The following TMEM108 variants were observed in gnomAD, a reference collection of about 807,000 sequenced individuals.
TMEM108 encodes the protein cancer/testis antigen 124.
In TMEM108, 12 loss-of-function variants were observed where a neutral mutation model predicts 35.1. The ratio of observed to expected loss-of-function variants is 0.34; its 90% confidence interval spans 0.22 to 0.55. The LOEUF is 0.55. TMEM108 is among the 20% of genes least tolerant of loss of function. The probability of loss-of-function intolerance (pLI) is 0.89; values close to 1 mark genes in which losing one functional copy is unlikely to be tolerated. For synonymous variants in TMEM108, 287 were observed against 308.6 expected, an observed-to-expected ratio of 0.93 and a Z score of 0.73; for missense variants, 680 against 753.3, an observed-to-expected ratio of 0.90 and a Z score of 1.14.
intron 3 of TMEM108, among the ~76,000 whole-genome samples, chr3:133,316,469 G>A (rs778687073): frequency 6.6e-6 from 1 of 152,152 alleles, no homozygotes; most frequent in Non-Finnish European, 1.5e-5. Context: ...GTGGTCATTA[G>A]GTTTATCCCA....
intron 2 of TMEM108, among the ~76,000 whole-genome samples, chr3:133,167,646 C>G (rs1309702619): frequency 6.6e-6 from 1 of 152,250 alleles, no homozygotes; most frequent in Non-Finnish European, 1.5e-5. Context: ...TGCTAAGCCC[C>G]TCACTGCCCG....
chr3:133,125,560 G>A (rs1944404561), intron 2 of TMEM108, among the ~76,000 whole-genome samples: 1 of 152,142 alleles, frequency 6.6e-6, no homozygotes, highest in Non-Finnish European at 1.5e-5. Context: ...TGGGGGGTAG[G>A]TGGGGGTAGT....
intron 2 of TMEM108, among the ~76,000 whole-genome samples, chr3:133,051,871 A>G (rs1943410368): frequency 6.6e-6 from 1 of 152,088 alleles, no homozygotes; most frequent in African/African-American, 2.4e-5. Flanking sequence ...CTGTTATTTT[A>G]TCAATACCAT....
intron 3 of TMEM108, among the ~76,000 whole-genome samples, chr3:133,309,115 T>C (rs2071087297): frequency 6.6e-6 from 1 of 152,254 alleles, no homozygotes; most frequent in Admixed American, 6.5e-5. Context: ...CAGGAATTTA[T>C]CCATTTCTTC....
At chr3:133,328,618 T>C (rs879298900) in intron 3 of TMEM108, among the ~76,000 whole-genome samples, 8 of 152,164 alleles carry the variant, frequency 5.3e-5, no homozygotes, top group Non-Finnish European at 1.0e-4. Flanking sequence ...GAGAACAATG[T>C]TATCAGGCAT....
At chr3:133,098,858 T>C (rs1210084438) in intron 2 of TMEM108, among the ~76,000 whole-genome samples, 2 of 152,158 alleles carry the variant, frequency 1.3e-5, no homozygotes, top group African/African-American at 2.4e-5. Flanking sequence ...TCCTGGATGC[T>C]TTCACGGGCT....
intron 3 of TMEM108, among the ~76,000 whole-genome samples, chr3:133,278,394 T>TA (rs1363560880): frequency 2.0e-5 from 3 of 152,346 alleles, no homozygotes; most frequent in Admixed American, 6.5e-5. Context: ...TCAAGTGAGA[T>TA]AAAGTACAGT....
At chr3:133,361,424 G>A (rs767562695) in intron 3 of TMEM108, among the ~76,000 whole-genome samples, 5 of 152,194 alleles carry the variant, frequency 3.3e-5, no homozygotes, top group Non-Finnish European at 5.9e-5. Flanking sequence ...GTTATCATGT[G>A]GGTTTAATGA....
At chr3:133,325,432 G>T (rs1340247809) in intron 3 of TMEM108, among the ~76,000 whole-genome samples, 1 of 152,142 alleles carries the variant, frequency 6.6e-6, no homozygotes, top group Non-Finnish European at 1.5e-5. Context: ...ACTTTTCCAT[G>T]CAACCAAACA....
At chr3:133,170,788 G>A (rs568641584) in intron 2 of TMEM108, among the ~76,000 whole-genome samples, 1 of 152,190 alleles carries the variant, frequency 6.6e-6, no homozygotes, top group East Asian at 1.9e-4. Flanking sequence ...ATATTTCTAG[G>A]AATAGATGCC....
intron 3 of TMEM108, among the ~76,000 whole-genome samples, chr3:133,279,651 A>T (rs567142039): frequency 6.6e-6 from 1 of 152,342 alleles, no homozygotes; most frequent in Non-Finnish European, 1.5e-5. Context: ...CAGTGCCTGG[A>T]CATGGTAGAT....
At chr3:133,125,408 AATAAGTGG>A (rs1364990206) in intron 2 of TMEM108, among the ~76,000 whole-genome samples, 8 of 152,168 alleles carry the variant, frequency 5.3e-5, no homozygotes, top group African/African-American at 1.9e-4. Context: ...TCTGAGTGGA[AATAAGTGG>A]CTTTTAGCAA....
intron 2 of TMEM108, among the ~76,000 whole-genome samples, chr3:133,118,254 A>G (rs1410171575): frequency 6.6e-6 from 1 of 152,090 alleles, no homozygotes; most frequent in African/African-American, 2.4e-5. Context: ...TGTGGAAACT[A>G]CTCAATGGTA....
chr3:133,245,281 C>T (rs1946368969), intron 3 of TMEM108, among the ~76,000 whole-genome samples: 1 of 152,128 alleles, frequency 6.6e-6, no homozygotes, highest in Non-Finnish European at 1.5e-5. Flanking sequence ...GTGCAGTGTG[C>T]ATGCTAGGAT....
At chr3:133,234,064 T>G (rs1237989359) in intron 3 of TMEM108, among the ~76,000 whole-genome samples, 1 of 152,080 alleles carries the variant, frequency 6.6e-6, no homozygotes. Flanking sequence ...ATTTGTCAAT[T>G]TTGGCTTTTG....
intron 3 of TMEM108, among the ~76,000 whole-genome samples, chr3:133,277,295 C>A (rs183838209): frequency 6.6e-6 from 1 of 151,988 alleles, no homozygotes; most frequent in Non-Finnish European, 1.5e-5. Context: ...TAAAAGATTT[C>A]TTTATAGTTT....
chr3:133,160,012 C>T (rs1366817447), intron 2 of TMEM108, among the ~76,000 whole-genome samples: 1 of 152,230 alleles, frequency 6.6e-6, no homozygotes, highest in Non-Finnish European at 1.5e-5. Flanking sequence ...CAGAATCAAA[C>T]AGCACATGCT....
In TMEM108 at chr3:133,366,675, C is replaced by T. The variant is rs369187379; in HGVS notation, c.41-13077C>T. Among the ~76,000 whole-genome samples, 80 of 152,258 alleles carry T rather than the reference C, an allele frequency of 5.3e-4. 1 individual carries two copies. In the South Asian group the frequency reaches 6.7e-3, roughly 13 times the overall value. ...AGTGAATCATTCAGGTATGCAGATCCACAGATTTGTAGCCCAAAAGAGAAT... is the reference window on the plus strand; with the variant it reads ...AGTGAATCATTCAGGTATGCAGATCTACAGATTTGTAGCCCAAAAGAGAAT... On this transcript the variant is annotated intron_variant, in intron 3 of 5. Transcript: ENST00000321871.
chr3:133,244,807 G>A (rs1335689643), intron 3 of TMEM108, among the ~76,000 whole-genome samples: 1 of 152,190 alleles, frequency 6.6e-6, no homozygotes, highest in East Asian at 1.9e-4. Flanking sequence ...TATAAAGAAG[G>A]GCAGTCTCTG....
Sources: gnomAD v4.1 joint callset for allele counts (sites outside exome capture counted in the v4.1 genomes callset) on GRCh38, gnomAD v4.1.1 for gene constraint, MANE v1.5 for transcripts, NCBI Gene and HGNC (gene_info 2026-07-23, HGNC 2026-07-21) for gene names.